GRIA4: variants seen among roughly 807,000 people sequenced by gnomAD.
The protein encoded by GRIA4 is glutamate receptor 4.
GRIA4 carries 34 observed loss-of-function variants against 104.0 expected under a neutral mutation model. The observed-to-expected ratio is 0.33, with a 90% CI of 0.25 to 0.44. The LOEUF (loss-of-function observed/expected upper bound fraction) is 0.44. GRIA4 is among the 20% of genes least tolerant of loss of function. The probability of loss-of-function intolerance (pLI) is 1.00; values close to 1 mark genes in which losing one functional copy is unlikely to be tolerated. For synonymous variants in GRIA4, 386 were observed against 381.9 expected, an observed-to-expected ratio of 1.01 and a Z score of -0.13; for missense variants, 750 against 1,096.5, an observed-to-expected ratio of 0.68 and a Z score of 4.46.
intron 4 of GRIA4, chr11:105,842,858 TGTTCCTGG>T (rs1591335849): frequency 6.6e-6 from 1 of 152,226 alleles, no homozygotes; most frequent in East Asian, 1.9e-4. Context: ...ACTGCATATC[TGTTCCTGG>T]AAGAATATGA....
At chr11:105,887,000 G>A (rs1183051311) in intron 5 of GRIA4, among the ~76,000 whole-genome samples, 2 of 151,460 alleles carry the variant, frequency 1.3e-5, no homozygotes, top group Non-Finnish European at 2.9e-5. Flanking sequence ...TCATATACAG[G>A]TGAGAATTCA....
chr11:105,975,707 G>A (rs1467879097), intron 16 of GRIA4, among the ~76,000 whole-genome samples: 4 of 151,958 alleles, frequency 2.6e-5, no homozygotes, highest in Non-Finnish European at 4.4e-5. Flanking sequence ...TCAAAAACCC[G>A]ATATACTTTC....
At chr11:105,792,021 G>A (rs1942234603) in intron 4 of GRIA4, among the ~76,000 whole-genome samples, 1 of 151,976 alleles carries the variant, frequency 6.6e-6, no homozygotes, top group East Asian at 1.9e-4. Context: ...CTTACCCTTA[G>A]GTAGCTGAAT....
At chr11:105,791,887 C>T (rs537132190) in intron 4 of GRIA4, among the ~76,000 whole-genome samples, 7 of 152,120 alleles carry the variant, frequency 4.6e-5, no homozygotes, top group Non-Finnish European at 8.8e-5. Context: ...AGGATTTATT[C>T]CAGGATGACA....
At chr11:105,691,619 T>C (rs188405318) in intron 3 of GRIA4, among the ~76,000 whole-genome samples, 137 of 152,286 alleles carry the variant, frequency 9.0e-4, no homozygotes, top group Middle Eastern at 3.4e-3. Context: ...TTAAAGTGTA[T>C]TTTAAATGCC....
At chr11:105,633,031 A>G (rs1211763014) in intron 3 of GRIA4, among the ~76,000 whole-genome samples, 2 of 152,204 alleles carry the variant, frequency 1.3e-5, no homozygotes, top group African/African-American at 4.8e-5. Flanking sequence ...AAAAGGTCCT[A>G]AAGCAATATT....
rs73552632 is a variant in GRIA4, at chr11:105,967,742, A to G, written c.2295-4172A>G. On this transcript the variant is annotated intron_variant, in intron 14 of 16. Coordinates refer to ENST00000282499, the MANE Select transcript of GRIA4 (RefSeq NM_000829.4). ...AATCCACGTAGGTTGTTATTGGTCTAAGGTTTATCAAGAGAATAGATTGTT... is the reference window on the plus strand; with the variant it reads ...AATCCACGTAGGTTGTTATTGGTCTGAGGTTTATCAAGAGAATAGATTGTT... Among the ~76,000 whole-genome samples the G allele has an allele frequency of 3.4e-3, 511 of 150,242 alleles. 6 individuals are homozygous for G. The highest frequency in any genetic ancestry group is 0.012 in the African/African-American group (473 of 40,876).
chr11:105,610,886 T>TTGTTTTTTTTTA, intron 1 of GRIA4, 22 bp from the exon 2 acceptor site: 2 of 453,560 alleles, frequency 4.4e-6, no homozygotes, highest in Non-Finnish European at 7.7e-6. Context: ...TTTTTTTTTT[T>TTGTTTTTTTTTA]TTTGGTTGAT....
At chr11:105,978,187 C>T (rs659840) in intron 16 of GRIA4, among the ~76,000 whole-genome samples, 98,083 of 151,794 alleles carry the variant, frequency 0.65, 31,728 homozygotes, top group Middle Eastern at 0.73. Context: ...TTCATCCACT[C>T]AACAAATATT....
intron 4 of GRIA4, among the ~76,000 whole-genome samples, chr11:105,814,059 G>A (rs539741557): frequency 6.6e-6 from 1 of 152,276 alleles, no homozygotes; most frequent in East Asian, 1.9e-4. Flanking sequence ...AAGTGCAAAT[G>A]TGCTGAACCA....
At chr11:105,645,959 G>C (rs1271220424) in intron 3 of GRIA4, among the ~76,000 whole-genome samples, 1 of 152,068 alleles carries the variant, frequency 6.6e-6, no homozygotes, top group Non-Finnish European at 1.5e-5. Context: ...AGATTTCCTA[G>C]AAGCCATGAA....
intron 16 of GRIA4, among the ~76,000 whole-genome samples, chr11:105,978,562 A>G (rs1444586730): frequency 6.6e-6 from 1 of 152,092 alleles, no homozygotes; most frequent in Non-Finnish European, 1.5e-5. Context: ...TACTTAATAT[A>G]TAATTATTCT....
chr11:105,683,967 T>C (rs1952790820), intron 3 of GRIA4, among the ~76,000 whole-genome samples: 1 of 152,074 alleles, frequency 6.6e-6, no homozygotes. Context: ...CTTCACCTCC[T>C]GGGTTCAAGA....
intron 5 of GRIA4, among the ~76,000 whole-genome samples, chr11:105,863,565 T>C (rs1945304448): frequency 6.6e-6 from 1 of 152,246 alleles, no homozygotes; most frequent in East Asian, 1.9e-4. Flanking sequence ...AGAAAAATCT[T>C]TCTTCTTTCT....
At chr11:105,860,899 C>G (rs1355519254) in intron 4 of GRIA4, among the ~76,000 whole-genome samples, 3 of 139,042 alleles carry the variant, frequency 2.2e-5, no homozygotes, top group Non-Finnish European at 4.5e-5. Flanking sequence ...GTGGAGGTTA[C>G]AGTGAGCCAA....
At chr11:105,946,736 A>AAGCT (rs750388288) in intron 14 of GRIA4, among the ~76,000 whole-genome samples, 7 of 152,188 alleles carry the variant, frequency 4.6e-5, no homozygotes, top group Non-Finnish European at 8.8e-5. Flanking sequence ...TCCTCCAAAG[A>AAGCT]AGCTAGATCT....
chr11:105,727,241 C>A (rs1347498001), intron 3 of GRIA4, among the ~76,000 whole-genome samples: 1 of 151,716 alleles, frequency 6.6e-6, no homozygotes, highest in East Asian at 2.0e-4. Context: ...ATGAAGCATA[C>A]ACAGGATCAA....
rs1005943441 is a variant in GRIA4, at chr11:105,783,988, A to G, written c.487+30768A>G. 2.0e-4 allele frequency among the ~76,000 whole-genome samples: 31 copies of G among 152,214 alleles called. 1 individual carries two copies. Among genetic ancestry groups the G allele is most frequent in the Admixed American group, 2.0e-3 (31 of 15,268 alleles). On this transcript the variant is annotated intron_variant, in intron 4 of 16. Transcript: ENST00000282499. ...CCAGAATAGACTTGTTTGTAAGCCT[A>G]TTTGGATTTATATCCTGACTTTGCT...
intron 4 of GRIA4, among the ~76,000 whole-genome samples, chr11:105,773,275 T>C (rs1248688006): frequency 3.3e-5 from 5 of 152,032 alleles, no homozygotes; most frequent in Admixed American, 2.0e-4. Flanking sequence ...AAAAGAAACA[T>C]AGCAATGGTT....
Sources: gnomAD v4.1 joint callset for allele counts (sites outside exome capture counted in the v4.1 genomes callset) on GRCh38, gnomAD v4.1.1 for gene constraint, MANE v1.5 for transcripts, NCBI Gene and HGNC (gene_info 2026-07-23, HGNC 2026-07-21) for gene names.